The following GPC5 variants were observed in gnomAD, a reference collection of about 807,000 sequenced individuals.
The protein encoded by GPC5 is glypican 5.
A neutral mutation model predicts 53.9 loss-of-function variants in GPC5; 47 were observed. The observed-to-expected ratio is 0.87, with a 90% CI of 0.69 to 1.11. GPC5 has a LOEUF of 1.11. GPC5 is among the 50% of genes most tolerant of loss of function. The pLI is 0.00. For synonymous variants in GPC5, 286 were observed against 263.3 expected, an observed-to-expected ratio of 1.09 and a Z score of -0.84; for missense variants, 748 against 713.1, an observed-to-expected ratio of 1.05 and a Z score of -0.56.
intron 7 of GPC5, among the ~76,000 whole-genome samples, chr13:92,724,730 A>G (rs953464171): frequency 6.6e-6 from 1 of 151,598 alleles, no homozygotes; most frequent in African/African-American, 2.4e-5. Context: ...AAAATGGGGA[A>G]TTGTTCAATG....
At chr13:92,699,131 C>T (rs1021045915) in intron 7 of GPC5, among the ~76,000 whole-genome samples, 20 of 152,062 alleles carry the variant, frequency 1.3e-4, no homozygotes, top group African/African-American at 3.4e-4. Context: ...TTCAGGGATT[C>T]GACTTCTTCC....
intron 7 of GPC5, among the ~76,000 whole-genome samples, chr13:92,604,402 A>G (rs911334827): frequency 6.6e-6 from 1 of 152,204 alleles, no homozygotes; most frequent in Non-Finnish European, 1.5e-5. Context: ...AAAATAAAAG[A>G]CATAGATAAT....
intron 7 of GPC5, among the ~76,000 whole-genome samples, chr13:92,443,370 A>G (rs1877655068): frequency 6.6e-6 from 1 of 152,172 alleles, no homozygotes; most frequent in Admixed American, 6.5e-5. Flanking sequence ...TATCCAAACC[A>G]TATTTCCAGA....
intron 7 of GPC5, among the ~76,000 whole-genome samples, chr13:92,150,604 A>G (rs1313986894): frequency 6.6e-6 from 1 of 152,044 alleles, no homozygotes; most frequent in African/African-American, 2.4e-5. Context: ...AAAGTTATGT[A>G]TTAATATATT....
At position 91,422,645 on chromosome 13, in the gene GPC5, G is replaced by GAA. The variant is rs72463929; in HGVS notation, c.163+23445_163+23446dup. Among the ~76,000 whole-genome samples the GAA allele has an allele frequency of 1.4e-3, 202 of 148,758 alleles. 1 individual carries two copies. Among genetic ancestry groups the GAA allele is most frequent in the Admixed American group, 2.8e-3 (42 of 14,972 alleles). ...AGCAAGACTCAGTTAAAAGAAAAAA[G>GAA]AAAAAAAAAACCATTTCTTACAGTG... On this transcript the variant is annotated intron_variant, in intron 1 of 7. Coordinates refer to ENST00000377067, the MANE Select transcript of GPC5 (RefSeq NM_004466.6).
intron 7 of GPC5, among the ~76,000 whole-genome samples, chr13:92,765,204 C>T (rs1333155750): frequency 6.6e-6 from 1 of 152,052 alleles, no homozygotes; most frequent in Admixed American, 6.6e-5. Context: ...AGGTATTTTC[C>T]CCATGGTCTT....
At chr13:91,702,660 T>C (rs1295505402) in intron 3 of GPC5, among the ~76,000 whole-genome samples, 7 of 152,084 alleles carry the variant, frequency 4.6e-5, no homozygotes, top group Non-Finnish European at 1.5e-5. Context: ...GATTTTTTTC[T>C]CTATTTCTGT....
At chr13:92,326,571 G>T (rs559223834) in intron 7 of GPC5, among the ~76,000 whole-genome samples, 1 of 152,138 alleles carries the variant, frequency 6.6e-6, no homozygotes, top group South Asian at 2.1e-4. Context: ...TCAATGGTTT[G>T]GAAAATACTG....
intron 1 of GPC5, among the ~76,000 whole-genome samples, chr13:91,426,558 A>T (rs1327061000): frequency 6.6e-6 from 1 of 152,222 alleles, no homozygotes; most frequent in Non-Finnish European, 1.5e-5. Context: ...TGCAGCCTTC[A>T]GTCTGTGGCC....
chr13:91,643,707 T>C (rs2034489457), intron 2 of GPC5, among the ~76,000 whole-genome samples: 1 of 152,158 alleles, frequency 6.6e-6, no homozygotes. Context: ...GGCAATGGCA[T>C]TCCTCGGCTT....
At chr13:91,998,557 A>G (rs2040525967) in intron 6 of GPC5, among the ~76,000 whole-genome samples, 1 of 152,156 alleles carries the variant, frequency 6.6e-6, no homozygotes, top group Non-Finnish European at 1.5e-5. Flanking sequence ...CCTCCACACC[A>G]GTTTTCACCA....
At chr13:92,321,920 A>G (rs896846236) in intron 7 of GPC5, among the ~76,000 whole-genome samples, 4 of 152,152 alleles carry the variant, frequency 2.6e-5, no homozygotes, top group Non-Finnish European at 5.9e-5. Context: ...AAATATAATA[A>G]TAGCAAAACA....
intron 2 of GPC5, among the ~76,000 whole-genome samples, chr13:91,595,459 A>G (rs913402523): frequency 2.0e-5 from 3 of 152,094 alleles, no homozygotes; most frequent in African/African-American, 7.2e-5. Flanking sequence ...AATTTTTATT[A>G]TGCTTTTGTT....
chr13:92,179,949 A>G (rs1414415908), intron 7 of GPC5, among the ~76,000 whole-genome samples: 1 of 152,236 alleles, frequency 6.6e-6, no homozygotes, highest in African/African-American at 2.4e-5. Context: ...AATATGATTT[A>G]CTACGGTTTT....
At chr13:91,962,515 A>G (rs1297823833) in intron 6 of GPC5, among the ~76,000 whole-genome samples, 1 of 152,138 alleles carries the variant, frequency 6.6e-6, no homozygotes, top group East Asian at 1.9e-4. Flanking sequence ...TTTATCTAAT[A>G]GACTTAATTG....
intron 2 of GPC5, among the ~76,000 whole-genome samples, chr13:91,671,672 A>G (rs141548986): frequency 0.026 from 3,995 of 150,756 alleles, 77 homozygotes; most frequent in African/African-American, 0.045. Context: ...TATAGATTCA[A>G]TGCTATTCCC....
At chr13:92,464,527 A>G (rs1163674181) in intron 7 of GPC5, among the ~76,000 whole-genome samples, 1 of 152,148 alleles carries the variant, frequency 6.6e-6, no homozygotes, top group Non-Finnish European at 1.5e-5. Context: ...CAATGAATGC[A>G]CACTGACTGC....
chr13:92,643,312 TG>T (rs2139153489), intron 7 of GPC5, among the ~76,000 whole-genome samples: 1 of 152,336 alleles, frequency 6.6e-6, no homozygotes, highest in Non-Finnish European at 1.5e-5. Flanking sequence ...GCCTATGTCC[TG>T]AATGGTAATG....
intron 7 of GPC5, among the ~76,000 whole-genome samples, chr13:92,669,816 G>T (rs2139203098): frequency 6.6e-6 from 1 of 152,166 alleles, no homozygotes; most frequent in African/African-American, 2.4e-5. Context: ...ACCTACTCAG[G>T]AGTCCTCTCC....
Sources: allele counts gnomAD v4.1 joint callset (sites outside exome capture counted in the v4.1 genomes callset), GRCh38; gene constraint gnomAD v4.1.1; transcripts MANE v1.5; gene names NCBI Gene and HGNC (gene_info 2026-07-23, HGNC 2026-07-21).